USP32: variants seen among roughly 807,000 people sequenced by gnomAD.
USP32 encodes the protein ubiquitin carboxyl-terminal hydrolase 32.
A neutral mutation model predicts 204.8 loss-of-function variants in USP32; 59 were observed. The ratio of observed to expected loss-of-function variants is 0.29; its 90% confidence interval spans 0.23 to 0.36. USP32 has a LOEUF of 0.36. Among genes scored for constraint, USP32 ranks in the 10% least tolerant of loss-of-function variants. The pLI is 1.00. For missense variants in USP32, 1,160 were observed against 1,946.4 expected, an observed-to-expected ratio of 0.60 and a Z score of 7.60; for synonymous variants, 517 against 678.4, an observed-to-expected ratio of 0.76 and a Z score of 3.70.
intron 1 of USP32, among the ~76,000 whole-genome samples, chr17:60,369,356 T>C (rs567605715): frequency 5.4e-5 from 8 of 147,162 alleles, no homozygotes; most frequent in African/African-American, 1.8e-4. Flanking sequence ...CTTGGGAGGC[T>C]GAGGTGGGAG....
intron 15 of USP32, among the ~76,000 whole-genome samples, 163 bp downstream of exon 15, chr17:60,222,246 G>A (rs576030154): frequency 2.0e-5 from 3 of 152,248 alleles, no homozygotes; most frequent in African/African-American, 4.8e-5. Flanking sequence ...ATGAATGAAC[G>A]AATGTGAAGG....
chr17:60,234,933 C>T (rs568962504), intron 12 of USP32, among the ~76,000 whole-genome samples: 1 of 152,104 alleles, frequency 6.6e-6, no homozygotes, highest in African/African-American at 2.4e-5. Flanking sequence ...TATCAAATGC[C>T]AGAGTGGAGA....
At chr17:60,408,676 C>T (rs908156921) in intron 1 of USP32, among the ~76,000 whole-genome samples, 1 of 151,750 alleles carries the variant, frequency 6.6e-6, no homozygotes, top group African/African-American at 2.4e-5. Flanking sequence ...CCATGCCCGG[C>T]CAATCTGGCT....
chr17:60,353,096 G>A (rs2088988603), intron 1 of USP32, among the ~76,000 whole-genome samples: 1 of 152,154 alleles, frequency 6.6e-6, no homozygotes, highest in East Asian at 1.9e-4. Flanking sequence ...CACACAGTGT[G>A]GCTGGTTTTG....
chr17:60,265,495 A>G (rs1458876747), intron 8 of USP32, 21 bp from the exon 9 acceptor site: 7 of 1,478,296 alleles, frequency 4.7e-6, no homozygotes, highest in Non-Finnish European at 6.6e-6. Flanking sequence ...AACCCAAAGG[A>G]GTAATTAGAA....
intron 3 of USP32, among the ~76,000 whole-genome samples, chr17:60,299,203 A>T (rs1476791405): frequency 6.6e-6 from 1 of 152,234 alleles, no homozygotes; most frequent in South Asian, 2.1e-4. Context: ...ATATATGTGC[A>T]TATTATTGTA....
rs555877680 is a variant in USP32 at position 60,392,062 on chromosome 17, C to G, written c.-123G>C. 5,003 of 1,173,302 alleles carry G rather than the reference C, an allele frequency of 4.3e-3. 36 individuals are homozygous for G. Among genetic ancestry groups the G allele is most frequent in the Middle Eastern group, 0.013 (57 of 4,544 alleles). 72.7% of individuals were successfully genotyped at this position (1,173,302 alleles called of 1,614,324 possible). ...GGCGTCCCCCGCCCCCACCTCCCCC[C>G]ACACTAACAAGTGCGGCTTCTGCCC... On this transcript the variant is annotated 5_prime_UTR_variant, in exon 1 of 34. Coordinates refer to ENST00000300896, the MANE Select transcript of USP32 (RefSeq NM_032582.4).
chr17:60,347,284 A>G (rs2088808899), intron 1 of USP32, among the ~76,000 whole-genome samples: 1 of 151,458 alleles, frequency 6.6e-6, no homozygotes, highest in Non-Finnish European at 1.5e-5. Flanking sequence ...TCCCAGGTTC[A>G]AGCAATTTGC....
In USP32 at chr17:60,336,444, G is replaced by A. The variant is rs376754966; in HGVS notation, c.186+9037C>T. On this transcript the variant is annotated intron_variant, in intron 2 of 33. Transcript: ENST00000300896. ...AAAAAGAAATGAATTGGCCGGGCGC[G>A]GTGGCTCACGCCTGTAATCCCAGCA... 2.8e-5 allele frequency among the ~76,000 whole-genome samples: 4 copies of A among 142,790 alleles called. 1 individual carries two copies. In the South Asian group the frequency reaches 6.4e-4, roughly 23 times the overall value. 93.7% of individuals were successfully genotyped at this position (142,790 alleles called of 152,430 possible). A position where few individuals can be genotyped will look rare whatever the true frequency, so the allele number is the denominator to read the frequency against.
chr17:60,287,335 A>C (rs73318832), intron 5 of USP32, among the ~76,000 whole-genome samples: 1 of 152,104 alleles, frequency 6.6e-6, no homozygotes. Flanking sequence ...TCCCCTTTCA[A>C]GATATCTGGC....
chr17:60,375,458 C>A (rs1477006374), intron 1 of USP32, among the ~76,000 whole-genome samples: 5 of 152,160 alleles, frequency 3.3e-5, no homozygotes, highest in Admixed American at 1.3e-4. Flanking sequence ...GGAACGTCTA[C>A]AATGCACCAT....
chr17:60,194,977 C>G (rs1049075770), intron 27 of USP32, among the ~76,000 whole-genome samples: 1 of 152,194 alleles, frequency 6.6e-6, no homozygotes, highest in Admixed American at 6.5e-5. Context: ...GACATAAACA[C>G]TCAAGAAGTC....
chr17:60,248,164 T>G (rs1196281275), intron 11 of USP32, among the ~76,000 whole-genome samples: 1 of 149,332 alleles, frequency 6.7e-6, no homozygotes, highest in Non-Finnish European at 1.5e-5. Context: ...AGTTTTTGCT[T>G]TTTTGGTTTT....
intron 2 of USP32, among the ~76,000 whole-genome samples, chr17:60,306,195 A>G (rs2087718576): frequency 6.6e-6 from 1 of 152,198 alleles, no homozygotes; most frequent in African/African-American, 2.4e-5. Flanking sequence ...ATTAGCTTTC[A>G]TTTTCGGATT....
At chr17:60,408,568 G>C (rs1343660566) in intron 1 of USP32, among the ~76,000 whole-genome samples, 1 of 151,870 alleles carries the variant, frequency 6.6e-6, no homozygotes, top group East Asian at 1.9e-4. Context: ...AGTAGAGATG[G>C]GGTTTCACCA....
At chr17:60,343,673 G>A (rs2088713829) in intron 2 of USP32, among the ~76,000 whole-genome samples, 1 of 152,170 alleles carries the variant, frequency 6.6e-6, no homozygotes, top group African/African-American at 2.4e-5. Context: ...GAAATTTATA[G>A]CACTAAATGC....
intron 11 of USP32, among the ~76,000 whole-genome samples, chr17:60,246,408 T>C (rs1296532797): frequency 1.4e-5 from 2 of 146,472 alleles, no homozygotes; most frequent in Non-Finnish European, 3.0e-5. Context: ...TGTATATATA[T>C]ATATATTTTT....
chr17:60,290,268 C>T (rs2087238931), intron 4 of USP32, among the ~76,000 whole-genome samples: 1 of 152,200 alleles, frequency 6.6e-6, no homozygotes, highest in African/African-American at 2.4e-5. Context: ...ATATGTAACA[C>T]TCCCATTTTT....
intron 2 of USP32, among the ~76,000 whole-genome samples, chr17:60,331,524 C>T (rs1310419489): frequency 6.7e-6 from 1 of 149,782 alleles, no homozygotes; most frequent in Non-Finnish European, 1.5e-5. Flanking sequence ...TGTGATCATG[C>T]CACTGTACTC....
Sources: gnomAD v4.1 joint callset for allele counts (sites outside exome capture counted in the v4.1 genomes callset) on GRCh38, gnomAD v4.1.1 for gene constraint, MANE v1.5 for transcripts, NCBI Gene and HGNC (gene_info 2026-07-23, HGNC 2026-07-21) for gene names.